CAMK2D: variants seen among roughly 807,000 people sequenced by gnomAD.
CAMK2D encodes the protein calcium/calmodulin dependent protein kinase II delta, also known as calcium/calmodulin-dependent protein kinase type II subunit delta.
In CAMK2D, 37 loss-of-function variants were observed where a neutral mutation model predicts 84.0. That is an observed-to-expected ratio of 0.44 (90% confidence interval 0.34 to 0.58). CAMK2D has a LOEUF of 0.58. Ranked by LOEUF, CAMK2D falls within the 20% of genes least tolerant of loss-of-function variation. The pLI is 0.02. For missense variants in CAMK2D, 448 were observed against 652.5 expected, an observed-to-expected ratio of 0.69 and a Z score of 3.41; for synonymous variants, 202 against 212.5, an observed-to-expected ratio of 0.95 and a Z score of 0.43.
At chr4:113,662,657 A>T (rs2099239123) in intron 2 of CAMK2D, among the ~76,000 whole-genome samples, 1 of 152,258 alleles carries the variant, frequency 6.6e-6, no homozygotes, top group Non-Finnish European at 1.5e-5. Flanking sequence ...CCAGTAGTTT[A>T]ACACCACTGC....
chr4:113,569,511 A>T (rs2098742238), intron 4 of CAMK2D, among the ~76,000 whole-genome samples: 1 of 152,240 alleles, frequency 6.6e-6, no homozygotes, highest in Non-Finnish European at 1.5e-5. Flanking sequence ...AGGACCATGT[A>T]CAACTTGTAT....
intron 2 of CAMK2D, among the ~76,000 whole-genome samples, chr4:113,670,141 G>C (rs1400081455): frequency 6.6e-6 from 1 of 152,088 alleles, no homozygotes; most frequent in African/African-American, 2.4e-5. Flanking sequence ...AAATAGCTGG[G>C]CATGGTAGCG....
intron 2 of CAMK2D, among the ~76,000 whole-genome samples, chr4:113,682,001 C>T (rs1019510378): frequency 2.0e-5 from 3 of 152,052 alleles, no homozygotes; most frequent in Non-Finnish European, 4.4e-5. Flanking sequence ...CTAGAAAAAG[C>T]ATGGGATACA....
intron 2 of CAMK2D, among the ~76,000 whole-genome samples, chr4:113,741,414 G>A (rs2099592567): frequency 6.6e-6 from 1 of 152,020 alleles, no homozygotes; most frequent in Non-Finnish European, 1.5e-5. Context: ...TATTATAATT[G>A]TTCTATTTTA....
intron 3 of CAMK2D, among the ~76,000 whole-genome samples, chr4:113,660,937 A>T (rs979109069): frequency 2.0e-5 from 3 of 151,778 alleles, no homozygotes; most frequent in African/African-American, 7.3e-5. Context: ...CTGGGACTAC[A>T]GGCGCCCGCC....
chr4:113,461,173 T>C (rs551098531), intron 17 of CAMK2D, among the ~76,000 whole-genome samples: 18 of 152,362 alleles, frequency 1.2e-4, no homozygotes, highest in Admixed American at 5.2e-4. Context: ...AATGCTCATA[T>C]TGGTTTTCTT....
At chr4:113,652,905 T>A (rs2099181249) in intron 3 of CAMK2D, among the ~76,000 whole-genome samples, 1 of 152,156 alleles carries the variant, frequency 6.6e-6, no homozygotes, top group African/African-American at 2.4e-5. Context: ...TCCAGTTTCA[T>A]GTATAAATCT....
intron 2 of CAMK2D, among the ~76,000 whole-genome samples, chr4:113,704,867 A>G (rs1257522675): frequency 6.6e-6 from 1 of 152,180 alleles, no homozygotes; most frequent in Admixed American, 6.5e-5. Context: ...TATACTACAC[A>G]AGAACAAGCT....
chr4:113,500,870 T>C (rs2098030059), intron 15 of CAMK2D, among the ~76,000 whole-genome samples: 1 of 152,096 alleles, frequency 6.6e-6, no homozygotes, highest in South Asian at 2.1e-4. Context: ...TTGAATATGT[T>C]AGCCGAATGA....
intron 2 of CAMK2D, among the ~76,000 whole-genome samples, chr4:113,744,272 G>A (rs781613456): frequency 1.3e-5 from 2 of 152,148 alleles, no homozygotes; most frequent in African/African-American, 2.4e-5. Context: ...GCTAGGTTCT[G>A]AGCATACGAA....
chr4:113,754,404 A>T (rs1014232299), intron 2 of CAMK2D: 3 of 970,060 alleles, frequency 3.1e-6, no homozygotes, highest in Non-Finnish European at 3.7e-6. Flanking sequence ...AGCCCAGTAC[A>T]TGTAAGATTT....
At chr4:113,637,590 G>C (rs531672843) in intron 3 of CAMK2D, among the ~76,000 whole-genome samples, 2 of 152,112 alleles carry the variant, frequency 1.3e-5, no homozygotes, top group Non-Finnish European at 2.9e-5. Flanking sequence ...GTTTTGGTTT[G>C]GGCACATAAT....
Position 113,471,049 on chromosome 4 carries a change from G to A in CAMK2D, c.1136-5445C>T, listed in dbSNP as rs577627691. 2.0e-4 allele frequency among the ~76,000 whole-genome samples: 30 copies of A among 152,256 alleles called. No individual in the cohort carries two copies. In the East Asian group the frequency reaches 2.7e-3, roughly 14 times the overall value. On this transcript the variant is annotated intron_variant, in intron 16 of 20. Transcript: ENST00000511664. Reference sequence around the variant, plus strand: ...TAAGTATAAAGTAGTATGTCTTATCGTTTATTGACAATGACAGAAAACACT... The same window carrying A: ...TAAGTATAAAGTAGTATGTCTTATCATTTATTGACAATGACAGAAAACACT...
At chr4:113,687,994 A>G (rs2099364922) in intron 2 of CAMK2D, among the ~76,000 whole-genome samples, 1 of 152,224 alleles carries the variant, frequency 6.6e-6, no homozygotes, top group South Asian at 2.1e-4. Context: ...ACGGAGAGAA[A>G]TAAAACATTC....
chr4:113,517,165 G>C (rs2154169863), intron 9 of CAMK2D, among the ~76,000 whole-genome samples: 1 of 152,064 alleles, frequency 6.6e-6, no homozygotes, highest in African/African-American at 2.4e-5. Flanking sequence ...TGTTCTATTT[G>C]ATATGTGATC....
At chr4:113,461,227 T>G (rs1157712661) in intron 17 of CAMK2D, among the ~76,000 whole-genome samples, 1 of 152,178 alleles carries the variant, frequency 6.6e-6, no homozygotes, top group African/African-American at 2.4e-5. Context: ...TGCACAATTT[T>G]AAATATTTGG....
intron 14 of CAMK2D, among the ~76,000 whole-genome samples, chr4:113,503,573 C>T (rs1195484012): frequency 6.6e-6 from 1 of 152,098 alleles, no homozygotes; most frequent in African/African-American, 2.4e-5. Context: ...AGGGACTAAT[C>T]ATGAACTAGA....
chr4:113,502,819 G>T, intron 15 of CAMK2D, 117 bp downstream of exon 15: 1 of 727,094 alleles, frequency 1.4e-6, no homozygotes, highest in Non-Finnish European at 2.5e-6. Context: ...AAGGAAGTGT[G>T]GTAGAAAATG....
intron 4 of CAMK2D, among the ~76,000 whole-genome samples, chr4:113,577,762 T>C (rs1284236017): frequency 6.6e-6 from 1 of 152,122 alleles, no homozygotes; most frequent in African/African-American, 2.4e-5. Context: ...TACTATTTTT[T>C]TTTTTTAGAT....
Sources: allele counts gnomAD v4.1 joint callset (sites outside exome capture counted in the v4.1 genomes callset), GRCh38; gene constraint gnomAD v4.1.1; transcripts MANE v1.5; gene names NCBI Gene and HGNC (gene_info 2026-07-23, HGNC 2026-07-21).